Variants in LAMTOR3 observed in about 807,000 individuals in gnomAD.
The protein encoded by LAMTOR3 is late endosomal/lysosomal adaptor, MAPK and MTOR activator 3, also known as ragulator complex protein LAMTOR3.
LAMTOR3 carries 14 observed loss-of-function variants against 20.3 expected under a neutral mutation model. The ratio of observed to expected loss-of-function variants is 0.69; its 90% CI spans 0.46 to 1.08. The LOEUF (loss-of-function observed/expected upper bound fraction) is 1.08, where lower values mean the gene tolerates loss of function less well. Among genes scored for constraint, LAMTOR3 ranks in the 50% least tolerant of loss-of-function variants. The pLI is 0.00. For missense variants in LAMTOR3, 125 were observed against 143.7 expected (o/e 0.87, Z 0.67); for synonymous variants, 40 against 49.4 (o/e 0.81, Z 0.80).
In LAMTOR3 at chr4:99,887,300, A is replaced by T. The variant is rs754199740; in HGVS notation, c.99T>A (p.Ile33=). The T allele has an allele frequency of 3.2e-6, 5 of 1,563,194 alleles. No homozygotes were observed. The Admixed American group carries it at 9.1e-5, about 29-fold the overall frequency. ...CATTTAAATGTTCAGTTTTACCTTTAATAACAGGTACTCCATCTCTATCTG... is the reference window on the plus strand; with the variant it reads ...CATTTAAATGTTCAGTTTTACCTTTTATAACAGGTACTCCATCTCTATCTG... ...VVSDRDGVPV[I]KVANDNAPEH... Residue 33 remains isoleucine, a synonymous_variant, in exon 4 of 7, where the codon ATT becomes ATA. Coordinates refer to ENST00000499666, the MANE Select transcript of LAMTOR3 (RefSeq NM_021970.4).
At chr4:99,882,964 C>T (rs2110179204) in intron 6 of LAMTOR3, among the ~76,000 whole-genome samples, 1 of 152,042 alleles carries the variant, frequency 6.6e-6, no homozygotes, top group Non-Finnish European at 1.5e-5. Flanking sequence ...AAAGATCTTT[C>T]TCTGTCTTAT....
At chr4:99,892,447 T>C (rs572052288) in intron 2 of LAMTOR3, among the ~76,000 whole-genome samples, 41 of 152,312 alleles carry the variant, frequency 2.7e-4, no homozygotes, top group African/African-American at 6.7e-4. Context: ...TGTTCAAAGA[T>C]AGACTTTCCA....
At chr4:99,892,747 C>T (rs947762008) in intron 2 of LAMTOR3, among the ~76,000 whole-genome samples, 19 of 149,666 alleles carry the variant, frequency 1.3e-4, no homozygotes, top group African/African-American at 4.4e-4. Flanking sequence ...GGCGCGATCT[C>T]GGCTCACTGC....
At chr4:99,886,620 GT>G (rs1409264368) in intron 4 of LAMTOR3, among the ~76,000 whole-genome samples, 1 of 152,138 alleles carries the variant, frequency 6.6e-6, no homozygotes, top group Non-Finnish European at 1.5e-5. Context: ...AACTACATTA[GT>G]TGACTTCTAA....
At position 99,880,154 on chromosome 4, in the gene LAMTOR3, G is replaced by A. The variant is rs2110177740; in HGVS notation, c.*1840C>T. On this transcript the variant is annotated 3_prime_UTR_variant, in exon 7 of 7. Transcript: ENST00000499666. The stretch of plus-strand genomic sequence containing the variant: ...TGCCCATTTTAAGTGCCCCTAGTCT[G>A]TGGTTCTATACCATCCTATGTATAG... 1 of 152,194 alleles carries A rather than the reference G, an allele frequency of 6.6e-6. No individual in the cohort carries two copies. Among genetic ancestry groups the A allele is most frequent in the East Asian group, 1.9e-4 (1 of 5,186 alleles). The allele number at this position is 152,194 out of a possible 1,614,324, so 9.4% of individuals were successfully genotyped here.
chr4:99,891,560 G>A (rs1017358066), intron 3 of LAMTOR3, among the ~76,000 whole-genome samples: 6 of 152,252 alleles, frequency 3.9e-5, no homozygotes, highest in African/African-American at 1.4e-4. Context: ...TGCAGAGATA[G>A]CAAAGCATGT....
At position 99,887,323 on chromosome 4, in the gene LAMTOR3, C is replaced by A; in HGVS notation, c.76G>T (p.Asp26Tyr). ...TTAATAACAGGTACTCCATCTCTAT[C>A]TGACACAACAATGGCATGGAGCCCT... ...VEGLHAIVVS[D>Y]RDGVPVIKVA... The change falls in exon 4 of 7, where the codon GAT becomes TAT. Residue 26 changes from aspartate (D) to tyrosine (Y), a missense_variant. Asp to Tyr is a radical substitution (Grantham distance 160). Transcript: ENST00000499666. 1 of 1,560,004 alleles carries A rather than the reference C, an allele frequency of 6.4e-7. No individual in the cohort carries two copies. Among genetic ancestry groups the A allele is most frequent in the Non-Finnish European group, 8.7e-7 (1 of 1,149,304 alleles).
chr4:99,883,756 T>G (rs948082025), intron 6 of LAMTOR3, among the ~76,000 whole-genome samples: 1 of 145,740 alleles, frequency 6.9e-6, no homozygotes, highest in Admixed American at 6.9e-5. Context: ...AGCACTCAGA[T>G]AACATTTAAT....
intron 4 of LAMTOR3, 33 bp downstream of exon 4, chr4:99,887,263 A>G (rs1724945225): frequency 7.0e-7 from 1 of 1,422,830 alleles, no homozygotes; most frequent in Non-Finnish European, 9.6e-7. Context: ...TCAAAAGCAA[A>G]GAAGACATTT....
At position 99,880,567 on chromosome 4, in the gene LAMTOR3, G is replaced by C. The variant is rs934177727; in HGVS notation, c.*1427C>G. On this transcript the variant is annotated 3_prime_UTR_variant, in exon 7 of 7. Coordinates refer to ENST00000499666, the MANE Select transcript of LAMTOR3 (RefSeq NM_021970.4). The stretch of plus-strand genomic sequence containing the variant: ...AAGATCATGCCACCACTGCACTCCA[G>C]ACTGGGCAACACAGCAAGACTCTGT... 2.0e-5 allele frequency: 3 copies of C among 152,152 alleles called. No individual in the cohort carries two copies. The highest frequency in any genetic ancestry group is 6.6e-5 in the Admixed American group (1 of 15,222). The allele number at this position is 152,152 out of a possible 1,614,324, so 9.4% of individuals were successfully genotyped here. A position where few individuals can be genotyped will look rare whatever the true frequency, so the allele number is the denominator to read the frequency against.
At chr4:99,894,248 G>A (rs1212810513) in intron 1 of LAMTOR3, 87 bp downstream of exon 1, 3 of 369,634 alleles carry the variant, frequency 8.1e-6, no homozygotes, top group East Asian at 3.9e-5. Context: ...AAGAAAAGAA[G>A]AGAGGGTCCT....
rs1382876755 is a variant in LAMTOR3, at chr4:99,881,848, T to C, written c.*146A>G. On this transcript the variant is annotated 3_prime_UTR_variant, in exon 7 of 7. Transcript: ENST00000499666. ...GCAACTGATCTATCTATAAATTACA[T>C]CTATATGCTAGCTCTTTAGTATAAG... The C allele has an allele frequency of 1.6e-6, 1 of 628,008 alleles. No homozygotes were observed. The highest frequency in any genetic ancestry group is 2.8e-6 in the Non-Finnish European group (1 of 353,686). The allele number at this position is 628,008 out of a possible 1,614,324, so 38.9% of individuals were successfully genotyped here. A position where few individuals can be genotyped will look rare whatever the true frequency, so the allele number is the denominator to read the frequency against.
At chr4:99,892,516 G>A (rs894811638) in intron 2 of LAMTOR3, among the ~76,000 whole-genome samples, 1 of 152,040 alleles carries the variant, frequency 6.6e-6, no homozygotes, top group African/African-American at 2.4e-5. Context: ...GTTGTCTCAC[G>A]TGACTATCAC....
intron 4 of LAMTOR3, 89 bp downstream of exon 4, chr4:99,887,207 T>C (rs1286106495): frequency 3.8e-6 from 3 of 779,506 alleles, no homozygotes; most frequent in East Asian, 3.2e-5. Context: ...ATGAATTTTA[T>C]GTTTGCCTGC....
intron 2 of LAMTOR3, among the ~76,000 whole-genome samples, chr4:99,893,255 C>T (rs766622374): frequency 2.6e-5 from 4 of 152,062 alleles, no homozygotes; most frequent in Non-Finnish European, 4.4e-5. Flanking sequence ...CTCAAGTGAT[C>T]CTTCCATCTC....
intron 3 of LAMTOR3, among the ~76,000 whole-genome samples, chr4:99,887,574 A>G (rs1027665185): frequency 6.6e-6 from 1 of 152,206 alleles, no homozygotes; most frequent in African/African-American, 2.4e-5. Flanking sequence ...CAGTTTATTA[A>G]TAAGAATCTA....
chr4:99,884,640 A>C (rs1040866953), intron 5 of LAMTOR3, among the ~76,000 whole-genome samples: 1 of 152,208 alleles, frequency 6.6e-6, no homozygotes, highest in South Asian at 2.1e-4. Flanking sequence ...GTTATCTTTT[A>C]CTTAATACAC....
intron 3 of LAMTOR3, among the ~76,000 whole-genome samples, chr4:99,889,599 G>A (rs1008396921): frequency 6.6e-6 from 1 of 152,198 alleles, no homozygotes; most frequent in Non-Finnish European, 1.5e-5. Flanking sequence ...GTATATACAT[G>A]TCTGCTCATA....
intron 2 of LAMTOR3, among the ~76,000 whole-genome samples, chr4:99,893,135 T>G (rs772837958): frequency 1.3e-5 from 2 of 152,308 alleles, no homozygotes; most frequent in Non-Finnish European, 2.9e-5. Flanking sequence ...TCGCCTCACT[T>G]CCAGCATAGC....
Sources: gnomAD v4.1 joint callset for allele counts (sites outside exome capture counted in the v4.1 genomes callset) on GRCh38, gnomAD v4.1.1 for gene constraint, MANE v1.5 for transcripts, NCBI Gene and HGNC (gene_info 2026-07-23, HGNC 2026-07-21) for gene names.